The following FRY variants were observed in gnomAD, a reference collection of about 807,000 sequenced individuals.
FRY encodes the protein FRY microtubule binding protein.
FRY carries 128 observed loss-of-function variants against 348.4 expected under a neutral mutation model. The observed-to-expected ratio is 0.37, with a 90% CI of 0.32 to 0.43. The LOEUF (loss-of-function observed/expected upper bound fraction) is 0.43. Among genes scored for constraint, FRY ranks in the 20% least tolerant of loss-of-function variants. The pLI, the probability that FRY is intolerant of heterozygous loss-of-function variation, is 1.00. For synonymous variants in FRY, 1,370 were observed against 1,374.7 expected (o/e 1.00, Z 0.08); for missense variants, 2,736 against 3,695.2 (o/e 0.74, Z 6.73).
chr13:32,203,886 A>T (rs760934537), intron 31 of FRY, among the ~76,000 whole-genome samples: 3 of 152,054 alleles, frequency 2.0e-5, no homozygotes, highest in Non-Finnish European at 4.4e-5. Flanking sequence ...CCTCTGCATT[A>T]CCTAACTACA....
At chr13:32,130,669 C>A (rs1207843603) in intron 7 of FRY, among the ~76,000 whole-genome samples, 4 of 151,986 alleles carry the variant, frequency 2.6e-5, no homozygotes, top group African/African-American at 9.7e-5. Flanking sequence ...ATTTTACTTT[C>A]GAATACAAAT....
intron 14 of FRY, among the ~76,000 whole-genome samples, chr13:32,152,292 C>T (rs1880845489): frequency 6.6e-6 from 1 of 151,974 alleles, no homozygotes; most frequent in Admixed American, 6.6e-5. Context: ...TATGGAAAAT[C>T]AAAGGAACTA....
At chr13:32,209,867 T>G in intron 33 of FRY, 136 bp downstream of exon 33, 1 of 880,316 alleles carries the variant, frequency 1.1e-6, no homozygotes, top group Non-Finnish European at 1.8e-6. Flanking sequence ...TGTGAGCTCA[T>G]CCAGATATTA....
Position 32,261,528 on chromosome 13 carries a change from T to C in FRY, c.7417-88T>C, listed in dbSNP as rs1030947004. The C allele has an allele frequency of 2.7e-6, 3 of 1,108,246 alleles. No homozygotes were observed. In the African/African-American group the frequency reaches 4.6e-5, roughly 17 times the overall value. The allele number at this position is 1,108,246 out of a possible 1,614,324, so 68.7% of individuals were successfully genotyped here. On this transcript the variant is annotated intron_variant, in intron 51 of 60. Coordinates refer to ENST00000542859, the MANE Select transcript of FRY (RefSeq NM_023037.3). The stretch of plus-strand genomic sequence containing the variant: ...CCTAAGAGTTAATAATGACAATATT[T>C]GTTCCCAAGCTATGACTAATTGAAT...
chr13:32,236,699 TTG>T (rs1156322237), intron 43 of FRY, among the ~76,000 whole-genome samples: 2 of 152,188 alleles, frequency 1.3e-5, no homozygotes, highest in Non-Finnish European at 2.9e-5. Flanking sequence ...TATATTCTGT[TTG>T]TGTTATTGAG....
intron 3 of FRY, among the ~76,000 whole-genome samples, chr13:32,107,857 A>G (rs1877671496): frequency 6.6e-6 from 1 of 152,200 alleles, no homozygotes; most frequent in African/African-American, 2.4e-5. Flanking sequence ...AAGTCATACC[A>G]GTAACAAGAA....
chr13:32,144,131 C>G (rs772750237), intron 11 of FRY, among the ~76,000 whole-genome samples: 37 of 151,150 alleles, frequency 2.4e-4, no homozygotes, highest in Non-Finnish European at 4.7e-4. Flanking sequence ...TTAAATGCAG[C>G]TTTACTAGTT....
intron 10 of FRY, among the ~76,000 whole-genome samples, chr13:32,135,511 C>T (rs991890555): frequency 1.1e-4 from 16 of 152,132 alleles, no homozygotes; most frequent in Admixed American, 9.8e-4. Flanking sequence ...TTTATAATAA[C>T]AGTTTCTCTT....
At chr13:32,262,089 CT>C (rs1887679398) in intron 52 of FRY, among the ~76,000 whole-genome samples, 1 of 152,156 alleles carries the variant, frequency 6.6e-6, no homozygotes, top group Non-Finnish European at 1.5e-5. Flanking sequence ...ATTCTGGAAT[CT>C]TTTTAAAAAT....
chr13:32,268,532 A>ATC (rs1230636750), intron 55 of FRY, among the ~76,000 whole-genome samples: 1 of 134,038 alleles, frequency 7.5e-6, no homozygotes, highest in Non-Finnish European at 1.6e-5. Context: ...ATATATATAT[A>ATC]TATATATCTA....
intron 55 of FRY, among the ~76,000 whole-genome samples, chr13:32,270,158 A>G (rs945898249): frequency 5.9e-5 from 9 of 152,158 alleles, no homozygotes; most frequent in Admixed American, 1.3e-4. Flanking sequence ...GGTAAATTTA[A>G]TGTTAAGGAT....
chr13:32,279,805 T>C (rs1241127083), intron 58 of FRY, among the ~76,000 whole-genome samples: 1 of 152,244 alleles, frequency 6.6e-6, no homozygotes, highest in Non-Finnish European at 1.5e-5. Flanking sequence ...CAAACACCAG[T>C]GGTTCCATTC....
chr13:32,118,363 AC>A (rs1878442716), intron 4 of FRY, among the ~76,000 whole-genome samples: 1 of 152,192 alleles, frequency 6.6e-6, no homozygotes, highest in South Asian at 2.1e-4. Context: ...GACATTAACT[AC>A]TTTTTGTGAA....
intron 22 of FRY, 80 bp from the exon 23 acceptor site, chr13:32,179,595 T>C (rs1882580483): frequency 1.4e-6 from 2 of 1,475,716 alleles, no homozygotes; most frequent in African/African-American, 2.8e-5. Flanking sequence ...TTGAAACTGT[T>C]ATAATGGGAT....
intron 28 of FRY, among the ~76,000 whole-genome samples, chr13:32,189,782 G>A (rs887100674): frequency 6.6e-6 from 1 of 152,014 alleles, no homozygotes; most frequent in Admixed American, 6.6e-5. Context: ...ATACATCCCA[G>A]TACATTTTGT....
chr13:32,169,265 T>A (rs967381565), intron 17 of FRY, among the ~76,000 whole-genome samples: 3 of 152,230 alleles, frequency 2.0e-5, no homozygotes, highest in African/African-American at 7.2e-5. Context: ...ATTCTCCCTA[T>A]TCCTGCCTGA....
At chr13:32,223,649 G>A (rs892111307) in intron 36 of FRY, among the ~76,000 whole-genome samples, 5 of 152,110 alleles carry the variant, frequency 3.3e-5, no homozygotes, top group African/African-American at 1.2e-4. Flanking sequence ...AGCCAGCTGT[G>A]GTGGCACATG....
chr13:32,132,943 C>T (rs1879459687), intron 8 of FRY, among the ~76,000 whole-genome samples: 1 of 152,044 alleles, frequency 6.6e-6, no homozygotes, highest in Non-Finnish European at 1.5e-5. Flanking sequence ...CACAAAAGGC[C>T]ATGTATTATA....
At chr13:32,172,174 ATGTGGG>A (rs1417785438) in intron 18 of FRY, among the ~76,000 whole-genome samples, 1 of 151,832 alleles carries the variant, frequency 6.6e-6, no homozygotes, top group Non-Finnish European at 1.5e-5. Flanking sequence ...GTGGACGTGG[ATGTGGG>A]TGTGGGTGTG....
Sources: gnomAD v4.1 joint callset for allele counts (sites outside exome capture counted in the v4.1 genomes callset) on GRCh38, gnomAD v4.1.1 for gene constraint, MANE v1.5 for transcripts, NCBI Gene and HGNC (gene_info 2026-07-23, HGNC 2026-07-21) for gene names.